The following DAB1 variants were observed in gnomAD, a reference collection of about 807,000 sequenced individuals.
DAB1 encodes disabled homolog 1.
A neutral mutation model predicts 64.6 loss-of-function variants in DAB1; 15 were observed. The observed-to-expected ratio is 0.23, with a 90% CI of 0.16 to 0.36. The LOEUF (loss-of-function observed/expected upper bound fraction) is 0.36, where lower values mean the gene tolerates loss of function less well. DAB1 is among the 10% of genes least tolerant of loss of function. The probability of loss-of-function intolerance (pLI) is 1.00; values close to 1 mark genes in which losing one functional copy is unlikely to be tolerated. For synonymous variants in DAB1, 235 were observed against 251.9 expected, an observed-to-expected ratio of 0.93 and a Z score of 0.64; for missense variants, 596 against 706.7, an observed-to-expected ratio of 0.84 and a Z score of 1.78.
chr1:58,201,816 T>A (rs1658013564), intron 4 of DAB1, among the ~76,000 whole-genome samples: 1 of 152,192 alleles, frequency 6.6e-6, no homozygotes. Flanking sequence ...TGGGACAAAT[T>A]GTGTTTTAAT....
rs60360589 is a variant in DAB1, at chr1:58,541,614, C to CAAAAAAAAAAAAAAAAAAAAAAA, written n.32+5066_32+5088dup. On this transcript the variant is annotated intron_variant and non_coding_transcript_variant, in intron 1 of 20. Transcript: ENST00000485760. ...CGTGGGCAACAGAATGAGAACCTGT[C>CAAAAAAAAAAAAAAAAAAAAAAA]AAAAAAAAAAAAAAAAAAAAAAAAA... 26 of 65,628 alleles carry CAAAAAAAAAAAAAAAAAAAAAAA rather than the reference C, an allele frequency of 4.0e-4. 1 individual carries two copies. Among genetic ancestry groups the CAAAAAAAAAAAAAAAAAAAAAAA allele is most frequent in the South Asian group, 7.5e-4 (1 of 1,342 alleles). The allele number at this position is 65,628 out of a possible 1,614,324, so 4.1% of individuals were successfully genotyped here. A position where few individuals can be genotyped will look rare whatever the true frequency, so the allele number is the denominator to read the frequency against.
intron 4 of DAB1, among the ~76,000 whole-genome samples, chr1:58,207,552 G>A (rs1658343925): frequency 6.6e-6 from 1 of 152,212 alleles, no homozygotes; most frequent in Non-Finnish European, 1.5e-5. Flanking sequence ...TTATGGTCCA[G>A]TGAGGGCAAC....
In DAB1 at chr1:57,141,003, C is replaced by T. The variant is rs146797154; in HGVS notation, c.207+4287G>A. ...ATGCACCCAACGTTATGACTGTGCT[C>T]TCCAGGGAACATGTAAAACATATGT... On this transcript the variant is annotated intron_variant, in intron 3 of 14. Transcript: ENST00000371236. Among the ~76,000 whole-genome samples the T allele has an allele frequency of 4.6e-5, 7 of 152,226 alleles. No homozygotes were observed. The East Asian group carries it at 7.7e-4, about 17-fold the overall frequency.
upstream of DAB1, among the ~76,000 whole-genome samples, chr1:57,424,439 C>A (rs1464874979): frequency 6.6e-6 from 1 of 151,932 alleles, no homozygotes; most frequent in Non-Finnish European, 1.5e-5. Flanking sequence ...GAGAGACGAG[C>A]CGAGAGCGAG....
At position 58,391,555 on chromosome 1, in the gene DAB1, A is replaced by AC. The variant is rs1389408566; in HGVS notation, n.258-48153dup. On this transcript the variant is annotated intron_variant and non_coding_transcript_variant, in intron 3 of 20. Transcript: ENST00000485760. ...TAACATTCCTCCAGTACACATTCCA[A>AC]CCCCTTGGCTTTTCAACAGAGGATA... Among the ~76,000 whole-genome samples the AC allele has an allele frequency of 2.6e-5, 4 of 152,066 alleles. No homozygotes were observed. The East Asian group carries it at 7.7e-4, about 29-fold the overall frequency.
intron 8 of DAB1, among the ~76,000 whole-genome samples, chr1:57,067,572 ACCT>A (rs1651042557): frequency 1.3e-5 from 2 of 151,964 alleles, no homozygotes; most frequent in Admixed American, 1.3e-4. Context: ...AAATTTTCCC[ACCT>A]CCACCATTTC....
chr1:58,307,318 G>T (rs1662330074), intron 4 of DAB1, among the ~76,000 whole-genome samples: 1 of 152,190 alleles, frequency 6.6e-6, no homozygotes, highest in Non-Finnish European at 1.5e-5. Flanking sequence ...GCCTGAAGAT[G>T]AGTGAAACTT....
intron 14 of DAB1, among the ~76,000 whole-genome samples, chr1:56,999,910 G>A (rs111844803): frequency 2.6e-4 from 39 of 152,224 alleles, no homozygotes; most frequent in African/African-American, 8.4e-4. Context: ...CCTTCTGCCC[G>A]TAGACTTTCT....
At chr1:58,099,875 G>A (rs1318175071) in intron 5 of DAB1, among the ~76,000 whole-genome samples, 4 of 152,208 alleles carry the variant, frequency 2.6e-5, no homozygotes, top group African/African-American at 9.7e-5. Context: ...ACTCTGGTCT[G>A]TCTTATCATG....
intron 4 of DAB1, among the ~76,000 whole-genome samples, chr1:57,092,895 A>G (rs889053897): frequency 6.6e-6 from 1 of 152,132 alleles, no homozygotes; most frequent in African/African-American, 2.4e-5. Flanking sequence ...AAAATTAAAA[A>G]TCCTTTCCAG....
In DAB1 at chr1:58,106,087, TCC is replaced by T. The variant is rs1385482495; in HGVS notation, n.387+44422_387+44423del. On this transcript the variant is annotated intron_variant and non_coding_transcript_variant, in intron 5 of 20. Transcript: ENST00000485760. The stretch of plus-strand genomic sequence containing the variant: ...TTGGTTTTTTGTTTTTTGTTTTCCT[TCC>T]TTCCTTCCTTCCTTCCTTCCTTTTC... Among the ~76,000 whole-genome samples, 8 of 86,078 alleles carry T rather than the reference TCC, an allele frequency of 9.3e-5. No individual in the cohort carries two copies. The East Asian group carries it at 5.5e-3, about 59-fold the overall frequency. The allele number at this position is 86,078 out of a possible 152,430, so 56.5% of individuals were successfully genotyped here.
At chr1:57,851,182 T>C (rs2224215) in intron 1 of DAB1, among the ~76,000 whole-genome samples, 5,579 of 152,328 alleles carry the variant, frequency 0.037, 151 homozygotes, top group East Asian at 0.13. Context: ...CTGACAATAG[T>C]TACAAAGACC....
At chr1:57,076,129 T>TG (rs1651967028) in intron 4 of DAB1, among the ~76,000 whole-genome samples, 1 of 152,044 alleles carries the variant, frequency 6.6e-6, no homozygotes, top group South Asian at 2.1e-4. Context: ...GGCAGAAAGG[T>TG]GAGGCACAGC....
chr1:58,120,009 CA>C (rs928096610), intron 5 of DAB1, among the ~76,000 whole-genome samples: 3 of 152,138 alleles, frequency 2.0e-5, no homozygotes, highest in Non-Finnish European at 4.4e-5. Flanking sequence ...ATATGCCTTC[CA>C]AATAGTTCTC....
chr1:57,130,948 A>C, intron 4 of DAB1, among the ~76,000 whole-genome samples: 1 of 152,254 alleles, frequency 6.6e-6, no homozygotes, highest in Admixed American at 6.5e-5. Flanking sequence ...AATTTCTAGA[A>C]AGACATTAGA....
intron 7 of DAB1, among the ~76,000 whole-genome samples, chr1:57,629,947 A>G (rs1645968545): frequency 6.6e-6 from 1 of 152,182 alleles, no homozygotes; most frequent in South Asian, 2.1e-4. Flanking sequence ...ACATTTCAGA[A>G]TAAAAAAATC....
chr1:58,377,718 C>A (rs1184263456), intron 3 of DAB1, among the ~76,000 whole-genome samples: 1 of 138,300 alleles, frequency 7.2e-6, no homozygotes, highest in Admixed American at 7.2e-5. Flanking sequence ...TGAATCTGAA[C>A]GTTGGCCTGC....
chr1:57,282,206 A>AAC lies in DAB1; in HGVS notation c.67+8757_67+8758insGT, dbSNP rs1553163989. On this transcript the variant is annotated intron_variant, in intron 2 of 14. Transcript: ENST00000371236. ...TCAAAAAAAAAAAAAAAAAAAAAAA[A>AAC]AAAAAACAGGTGACTGAGTTTTGAA... Among the ~76,000 whole-genome samples, 12 of 135,676 alleles carry AAC rather than the reference A, an allele frequency of 8.8e-5. 1 individual carries two copies. Among genetic ancestry groups the AAC allele is most frequent in the African/African-American group, 3.6e-4 (12 of 33,802 alleles). 89.0% of individuals were successfully genotyped at this position (135,676 alleles called of 152,430 possible).
chr1:57,196,517 T>C (rs1221432903), intron 2 of DAB1, among the ~76,000 whole-genome samples: 3 of 152,222 alleles, frequency 2.0e-5, no homozygotes, highest in Non-Finnish European at 4.4e-5. Context: ...GACAGCATAA[T>C]AGGCTTTGGC....
Sources: allele counts gnomAD v4.1 joint callset (sites outside exome capture counted in the v4.1 genomes callset), GRCh38; gene constraint gnomAD v4.1.1; transcripts MANE v1.5; gene names NCBI Gene and HGNC (gene_info 2026-07-23, HGNC 2026-07-21).